Variants in PCDH15 observed in about 807,000 individuals in gnomAD.
The protein encoded by PCDH15 is protocadherin-15.
In PCDH15, 129 loss-of-function variants were observed where a neutral mutation model predicts 178.5. The ratio of observed to expected loss-of-function variants is 0.72; its 90% CI spans 0.63 to 0.84. The LOEUF is 0.84. Among genes scored for constraint, PCDH15 ranks in the 40% least tolerant of loss-of-function variants. PCDH15 has a pLI of 0.00. For synonymous variants in PCDH15, 800 were observed against 732.0 expected, an observed-to-expected ratio of 1.09 and a Z score of -1.50; for missense variants, 2,230 against 2,099.9, an observed-to-expected ratio of 1.06 and a Z score of -1.21.
At chr10:55,283,653 T>C (rs1473281304) in intron 1 of PCDH15, among the ~76,000 whole-genome samples, 1 of 151,164 alleles carries the variant, frequency 6.6e-6, no homozygotes, top group African/African-American at 2.4e-5. Context: ...GTACTTGGTA[T>C]AGAGCTTTGT....
intron 2 of PCDH15, among the ~76,000 whole-genome samples, chr10:55,566,632 A>G (rs1842307866): frequency 6.6e-6 from 1 of 151,838 alleles, no homozygotes; most frequent in Non-Finnish European, 1.5e-5. Flanking sequence ...GTGCATATCT[A>G]TACAATAACA....
At chr10:54,745,851 T>A in intron 1 of PCDH15, among the ~76,000 whole-genome samples, 1 of 152,194 alleles carries the variant, frequency 6.6e-6, no homozygotes, top group Admixed American at 6.6e-5. Flanking sequence ...AATTATAGCA[T>A]TAAGTGAGCC....
Position 54,793,567 on chromosome 10 carries a change from T to C in PCDH15, c.-29+7358A>G, listed in dbSNP as rs188684126. ...AAAGTAAGCTGAAAAAGGCATGAAT[T>C]AATGATAGAAAAATAAAAAATTAGA... On this transcript the variant is annotated intron_variant, in intron 1 of 37. Coordinates refer to ENST00000644397, the MANE Select transcript of PCDH15 (RefSeq NM_001384140.1). 3.6e-3 allele frequency among the ~76,000 whole-genome samples: 553 copies of C among 151,642 alleles called. 2 individuals are homozygous for C. The highest frequency in any genetic ancestry group is 0.013 in the African/African-American group (529 of 41,446).
intron 8 of PCDH15, among the ~76,000 whole-genome samples, chr10:54,241,543 G>T (rs2055299725): frequency 6.6e-6 from 1 of 152,284 alleles, no homozygotes; most frequent in Middle Eastern, 3.4e-3. Flanking sequence ...CACAGAAAGA[G>T]CTCCCCAAAC....
intron 18 of PCDH15, among the ~76,000 whole-genome samples, chr10:54,047,657 A>G (rs1215786029): frequency 6.6e-6 from 1 of 152,072 alleles, no homozygotes; most frequent in East Asian, 1.9e-4. Context: ...CTTACATCTG[A>G]GAATAGGTGG....
At chr10:54,772,620 T>C (rs1257938945) in intron 1 of PCDH15, among the ~76,000 whole-genome samples, 1 of 151,946 alleles carries the variant, frequency 6.6e-6, no homozygotes, top group African/African-American at 2.4e-5. Flanking sequence ...AAACAACAGA[T>C]GCTGGTGAGG....
chr10:54,235,756 G>A (rs1233348455), intron 9 of PCDH15, among the ~76,000 whole-genome samples: 1 of 152,122 alleles, frequency 6.6e-6, no homozygotes, highest in Non-Finnish European at 1.5e-5. Flanking sequence ...CATCTAATAA[G>A]AGTGATTGAC....
chr10:55,249,777 A>G (rs1841785975), intron 1 of PCDH15, among the ~76,000 whole-genome samples: 1 of 152,006 alleles, frequency 6.6e-6, no homozygotes, highest in Non-Finnish European at 1.5e-5. Context: ...TATATGTATC[A>G]TATATATAAA....
intron 1 of PCDH15, among the ~76,000 whole-genome samples, chr10:54,699,403 C>G (rs2095278121): frequency 6.6e-6 from 1 of 152,022 alleles, no homozygotes; most frequent in South Asian, 2.1e-4. Flanking sequence ...TTACCAAGAC[C>G]CTATCTTAAG....
chr10:55,602,915 A>C (rs1589172466), intron 2 of PCDH15, among the ~76,000 whole-genome samples: 1 of 152,206 alleles, frequency 6.6e-6, no homozygotes, highest in Admixed American at 6.6e-5. Context: ...TGAGAGAAGA[A>C]GGCTTCAGAC....
intron 3 of PCDH15, among the ~76,000 whole-genome samples, chr10:54,483,033 A>G (rs2078836137): frequency 6.6e-6 from 1 of 151,892 alleles, no homozygotes; most frequent in South Asian, 2.1e-4. Flanking sequence ...GCAGACTAAT[A>G]AAAGATAACA....
At chr10:55,341,930 A>C (rs1333170924) in intron 2 of PCDH15, among the ~76,000 whole-genome samples, 1 of 147,862 alleles carries the variant, frequency 6.8e-6, no homozygotes, top group African/African-American at 2.5e-5. Flanking sequence ...CACAGGCAGG[A>C]GCCACCCTTC....
At chr10:54,980,733 T>C (rs1437909386) in intron 2 of PCDH15, among the ~76,000 whole-genome samples, 1 of 152,102 alleles carries the variant, frequency 6.6e-6, no homozygotes, top group Non-Finnish European at 1.5e-5. Context: ...ATCAAATTCA[T>C]TCATAATTTA....
At position 54,234,486 on chromosome 10, in the gene PCDH15, G is replaced by A. The variant is rs949509683; in HGVS notation, c.985+2337C>T. Among the ~76,000 whole-genome samples the A allele has an allele frequency of 3.9e-5, 6 of 152,234 alleles. No homozygotes were observed. In the East Asian group the frequency reaches 7.7e-4, roughly 20 times the overall value. On this transcript the variant is annotated intron_variant, in intron 9 of 37. Transcript: ENST00000644397. ...GAGGATCGCTTGAACCCAGGAAGTC[G>A]AAGCTTCAATGAGCTATGATTGTGC...
intron 8 of PCDH15, among the ~76,000 whole-genome samples, chr10:54,312,984 T>C (rs570185562): frequency 5.9e-5 from 9 of 152,250 alleles, no homozygotes; most frequent in African/African-American, 1.9e-4. Context: ...TCTTAAATTC[T>C]CATTTTTTCA....
At chr10:54,359,067 G>T (rs1026546829) in intron 5 of PCDH15, among the ~76,000 whole-genome samples, 1 of 150,306 alleles carries the variant, frequency 6.7e-6, no homozygotes, top group African/African-American at 2.4e-5. Flanking sequence ...GCTAAATGAC[G>T]AGTTAATGGG....
chr10:55,454,677 C>T (rs569947166), intron 2 of PCDH15, among the ~76,000 whole-genome samples: 1 of 149,608 alleles, frequency 6.7e-6, no homozygotes, highest in East Asian at 2.0e-4. Flanking sequence ...CCCAGCTACC[C>T]AGGAGGCTGA....
chr10:54,390,173 G>T (rs1401035514), intron 3 of PCDH15, among the ~76,000 whole-genome samples: 3 of 152,122 alleles, frequency 2.0e-5, no homozygotes, highest in Non-Finnish European at 4.4e-5. Context: ...TCATGCAAAA[G>T]AATTCAGCTT....
At chr10:55,004,277 C>T (rs1839869961) in intron 2 of PCDH15, among the ~76,000 whole-genome samples, 1 of 151,960 alleles carries the variant, frequency 6.6e-6, no homozygotes, top group Non-Finnish European at 1.5e-5. Flanking sequence ...ATAAAGCAGG[C>T]AGAAAGATCC....
Sources: allele counts gnomAD v4.1 joint callset (sites outside exome capture counted in the v4.1 genomes callset), GRCh38; gene constraint gnomAD v4.1.1; transcripts MANE v1.5; gene names NCBI Gene and HGNC (gene_info 2026-07-23, HGNC 2026-07-21).